AGMO: variants seen among roughly 807,000 people sequenced by gnomAD.
The protein encoded by AGMO is glyceryl-ether monooxygenase.
AGMO carries 75 observed loss-of-function variants against 60.2 expected under a neutral mutation model. That is an observed-to-expected ratio of 1.25 (90% confidence interval 1.03 to 1.51). The LOEUF (loss-of-function observed/expected upper bound fraction) is 1.51. AGMO is among the 40% of genes most tolerant of loss of function. The pLI, the probability that AGMO is intolerant of heterozygous loss-of-function variation, is 0.00. For missense variants in AGMO, 763 were observed against 525.5 expected, an observed-to-expected ratio of 1.45 and a Z score of -4.42; for synonymous variants, 261 against 177.1, an observed-to-expected ratio of 1.47 and a Z score of -3.76.
At chr7:15,556,187 T>A (rs1785129789) in intron 2 of AGMO, among the ~76,000 whole-genome samples, 1 of 150,478 alleles carries the variant, frequency 6.6e-6, no homozygotes, top group Admixed American at 6.7e-5. Context: ...GAGTCAAAAA[T>A]ATTTTAAAGA....
chr7:15,285,077 C>T (rs1210013273), intron 12 of AGMO, among the ~76,000 whole-genome samples: 2 of 150,512 alleles, frequency 1.3e-5, no homozygotes, highest in Admixed American at 1.3e-4. Flanking sequence ...AGGGGCATAC[C>T]TCAAAATAAT....
the AGMO span, among the ~76,000 whole-genome samples, chr7:15,118,732 C>G: frequency 6.6e-6 from 1 of 151,930 alleles, no homozygotes; most frequent in Non-Finnish European, 1.5e-5. Flanking sequence ...ATAAGTAAAC[C>G]TCTTTTAAAA....
chr7:15,392,030 G>A (rs1469683612), intron 6 of AGMO, among the ~76,000 whole-genome samples: 1 of 152,108 alleles, frequency 6.6e-6, no homozygotes, highest in Non-Finnish European at 1.5e-5. Flanking sequence ...ATTTGGTAAT[G>A]TGGACTTGTT....
chr7:15,267,539 C>A (rs996527821), intron 12 of AGMO, among the ~76,000 whole-genome samples: 6 of 151,958 alleles, frequency 3.9e-5, no homozygotes, highest in South Asian at 2.1e-4. Context: ...GACAGTCATT[C>A]AGGGACAAAT....
the AGMO span, among the ~76,000 whole-genome samples, chr7:15,190,766 T>C: frequency 2.4e-4 from 36 of 152,162 alleles, no homozygotes; most frequent in African/African-American, 8.7e-4. Flanking sequence ...AATATAGAAG[T>C]AATTTGGATT....
chr7:15,317,617 T>G (rs1052129395), intron 12 of AGMO, among the ~76,000 whole-genome samples: 1 of 152,098 alleles, frequency 6.6e-6, no homozygotes, highest in Non-Finnish European at 1.5e-5. Context: ...GGAGTGAACA[T>G]GAACGCATTA....
At chr7:15,284,686 G>C (rs887659749) in intron 12 of AGMO, among the ~76,000 whole-genome samples, 9 of 151,862 alleles carry the variant, frequency 5.9e-5, no homozygotes, top group African/African-American at 1.9e-4. Context: ...TAGTCCAAAA[G>C]ATTCAGAAGG....
chr7:15,246,469 A>G (rs1782746361), intron 12 of AGMO, among the ~76,000 whole-genome samples: 1 of 152,196 alleles, frequency 6.6e-6, no homozygotes. Flanking sequence ...AATGACTTGA[A>G]GTTTATTCAC....
chr7:15,303,129 A>G (rs1023272553), intron 12 of AGMO, among the ~76,000 whole-genome samples: 2 of 150,234 alleles, frequency 1.3e-5, no homozygotes, highest in African/African-American at 2.5e-5. Context: ...GATGGTTTTG[A>G]AAAAAAAGTG....
At chr7:15,419,309 G>A (rs1780864846) in intron 4 of AGMO, among the ~76,000 whole-genome samples, 1 of 151,854 alleles carries the variant, frequency 6.6e-6, no homozygotes, top group African/African-American at 2.4e-5. Context: ...CCACAGAACT[G>A]GTTAGAATTA....
rs529479651 is a variant in AGMO at position 15,222,378 on chromosome 7, C to T, written c.1264-21019G>A. On this transcript the variant is annotated intron_variant, in intron 12 of 12. Transcript: ENST00000342526. ...ATGAACAGCAAACATAGACAAAAAG[C>T]TCAAAATATTTTGAAAATAAAACTG... Among the ~76,000 whole-genome samples the T allele has an allele frequency of 2.6e-5, 4 of 152,040 alleles. No homozygotes were observed. The South Asian group carries it at 8.3e-4, about 32-fold the overall frequency.
Position 15,508,895 on chromosome 7 carries a change from G to A in AGMO, c.409+35877C>T, listed in dbSNP as rs564918809. Among the ~76,000 whole-genome samples the A allele has an allele frequency of 2.0e-4, 30 of 152,200 alleles. 2 individuals are homozygous for A. The South Asian group carries it at 6.2e-3, about 32-fold the overall frequency. Reference sequence around the variant, plus strand: ...TTCAGGTGAATGTAATTAAATGTATGTCATGCTTTCTACATAATTTAGTTT... The same window carrying A: ...TTCAGGTGAATGTAATTAAATGTATATCATGCTTTCTACATAATTTAGTTT... On this transcript the variant is annotated intron_variant, in intron 3 of 12. Transcript: ENST00000342526.
chr7:15,308,774 G>A (rs567905854), intron 12 of AGMO, among the ~76,000 whole-genome samples: 2 of 152,022 alleles, frequency 1.3e-5, no homozygotes, highest in African/African-American at 4.8e-5. Flanking sequence ...ATTCTCAAAG[G>A]CCTTCACATA....
chr7:15,311,376 C>G (rs73284573), intron 12 of AGMO, among the ~76,000 whole-genome samples: 4,686 of 152,170 alleles, frequency 0.031, 272 homozygotes, highest in African/African-American at 0.11. Context: ...GGTTGGGAAT[C>G]TAACAGAAAA....
the AGMO span, among the ~76,000 whole-genome samples, chr7:15,124,695 T>C: frequency 6.6e-6 from 1 of 152,082 alleles, no homozygotes; most frequent in Non-Finnish European, 1.5e-5. Context: ...GATGGACATG[T>C]TTCAACATTG....
chr7:15,394,227 T>G (rs1784275151), intron 5 of AGMO, 48 bp from the exon 6 acceptor site: 1 of 1,293,692 alleles, frequency 7.7e-7, no homozygotes, highest in Admixed American at 1.8e-5. Flanking sequence ...TCATTAAATG[T>G]GTGTTAGTAT....
At position 15,394,213 on chromosome 7, in the gene AGMO, G is replaced by T. The variant is rs756450138; in HGVS notation, c.610-34C>A. ...AACAGAAGGAATATTTATACATGTAGTTATCATTAAATGTGTGTTAGTATA... is the reference window on the plus strand; with the variant it reads ...AACAGAAGGAATATTTATACATGTATTTATCATTAAATGTGTGTTAGTATA... On this transcript the variant is annotated intron_variant, in intron 5 of 12. Transcript: ENST00000342526. 35 of 1,405,516 alleles carry T rather than the reference G, an allele frequency of 2.5e-5. No homozygotes were observed. In the South Asian group the frequency reaches 3.0e-4, roughly 12 times the overall value. 87.1% of individuals were successfully genotyped at this position (1,405,516 alleles called of 1,614,324 possible).
chr7:15,155,338 A>G, the AGMO span, among the ~76,000 whole-genome samples: 1 of 150,654 alleles, frequency 6.6e-6, no homozygotes. Context: ...GTTGATTCGA[A>G]GAAGCAGTCT....
rs560968610 is a variant in AGMO at position 15,495,299 on chromosome 7, T to A, written c.409+49473A>T. ...TCTCAAACTTACTTAGGCTTGGCAATGCCCAATAGTTTTGGCATTCTTCCA... is the reference window on the plus strand; with the variant it reads ...TCTCAAACTTACTTAGGCTTGGCAAAGCCCAATAGTTTTGGCATTCTTCCA... On this transcript the variant is annotated intron_variant, in intron 3 of 12. Transcript: ENST00000342526. Among the ~76,000 whole-genome samples, 178 of 152,310 alleles carry A rather than the reference T, an allele frequency of 1.2e-3. 2 individuals are homozygous for A. Among genetic ancestry groups the A allele is most frequent in the Middle Eastern group, 3.4e-3 (1 of 294 alleles).
Sources: gnomAD v4.1 joint callset for allele counts (sites outside exome capture counted in the v4.1 genomes callset) on GRCh38, gnomAD v4.1.1 for gene constraint, MANE v1.5 for transcripts, NCBI Gene and HGNC (gene_info 2026-07-23, HGNC 2026-07-21) for gene names.